PSEN2: variants seen among roughly 807,000 people sequenced by gnomAD.
PSEN2 encodes presenilin 2.
A neutral mutation model predicts 49.1 loss-of-function variants in PSEN2; 32 were observed. The ratio of observed to expected loss-of-function variants is 0.65; its 90% CI spans 0.49 to 0.88. The LOEUF is 0.88. Among genes scored for constraint, PSEN2 ranks in the 40% least tolerant of loss-of-function variants. The pLI, the probability that PSEN2 is intolerant of heterozygous loss-of-function variation, is 0.00. For missense variants in PSEN2, 522 were observed against 586.9 expected (o/e 0.89, Z 1.14); for synonymous variants, 255 against 244.0 (o/e 1.05, Z -0.42).
chr1:226,872,759 G>C (rs1407158993), intron 2 of PSEN2, among the ~76,000 whole-genome samples: 2 of 152,210 alleles, frequency 1.3e-5, no homozygotes, highest in Non-Finnish European at 2.9e-5. Context: ...ATTCCCACCT[G>C]TTCTATTCCC....
At chr1:226,880,430 G>A (rs939358354) in intron 3 of PSEN2, 9 of 1,219,072 alleles carry the variant, frequency 7.4e-6, no homozygotes, top group African/African-American at 4.6e-5. Context: ...ACTTGGAGAC[G>A]AACTTTCAGC....
intron 8 of PSEN2, among the ~76,000 whole-genome samples, chr1:226,889,715 T>C (rs1028324864): frequency 9.9e-5 from 15 of 152,260 alleles, no homozygotes; most frequent in African/African-American, 3.4e-4. Context: ...CTATTTGATA[T>C]TAGCATGATT....
intron 7 of PSEN2, among the ~76,000 whole-genome samples, chr1:226,888,610 C>T (rs1661528797): frequency 6.6e-6 from 1 of 152,214 alleles, no homozygotes. Flanking sequence ...TCCATGTGCA[C>T]AGGGTCTTCC....
chr1:226,878,196 C>T (rs1660756175), intron 3 of PSEN2, among the ~76,000 whole-genome samples: 2 of 152,064 alleles, frequency 1.3e-5, no homozygotes, highest in Admixed American at 1.3e-4. Flanking sequence ...TATCTTGCTA[C>T]AGCCTTCTGA....
At chr1:226,894,737 G>A (rs12070751) in intron 12 of PSEN2, among the ~76,000 whole-genome samples, 4,679 of 152,290 alleles carry the variant, frequency 0.031, 210 homozygotes, top group East Asian at 0.16. Flanking sequence ...TGAGCCGTGC[G>A]CTTGGCATCT....
chr1:226,886,590 T>G (rs1465627477), intron 6 of PSEN2, among the ~76,000 whole-genome samples: 1 of 152,386 alleles, frequency 6.6e-6, no homozygotes, highest in South Asian at 2.1e-4. Flanking sequence ...GGGCATTACC[T>G]ATTTTAAAAC....
chr1:226,880,616 G>GCGATCACTCAGCCTCTGGACAA (rs1558142095), intron 3 of PSEN2: 1 of 1,607,296 alleles, frequency 6.2e-7, no homozygotes, highest in Non-Finnish European at 8.5e-7. Flanking sequence ...CCTCTGGACA[G>GCGATCACTCAGCCTCTGGACAA]CGATAACTCA....
rs762485322 is a variant in PSEN2 at position 226,888,120 on chromosome 1, A to G, written c.528A>G (p.Ser176=). 6 of 1,613,824 alleles carry G rather than the reference A, an allele frequency of 3.7e-6. No homozygotes were observed. The African/African-American group carries it at 6.7e-5, about 18-fold the overall frequency. ...KFIHGWLIMS[S]LMLLFLFTYI... is the part of the protein sequence containing the mutation. ...TCCATGGCTGGTTGATCATGTCTTC[A>G]CTGATGCTGCTGTTCCTCTTCACCT... The change falls in exon 7 of 13, where the codon TCA becomes TCG. Residue 176 remains serine (S), a synonymous_variant. Coordinates refer to ENST00000366783, the MANE Select transcript of PSEN2 (RefSeq NM_000447.3).
In PSEN2 at chr1:226,870,625, C is replaced by T. The variant is rs1660203932; in HGVS notation, c.-374C>T. 6.6e-6 allele frequency: 1 copy of T among 152,112 alleles called. No individual in the cohort carries two copies. The highest frequency in any genetic ancestry group is 6.6e-5 in the Admixed American group (1 of 15,224). 9.4% of individuals were successfully genotyped at this position (152,112 alleles called of 1,614,324 possible). ...GGGCGCTCAGCCAGCTGCGTAAACT[C>T]CGCTGGAGCGCGGCGGCAGAGCAGG... On this transcript the variant is annotated 5_prime_UTR_variant, in exon 1 of 13. Transcript: ENST00000366783.
intron 3 of PSEN2, among the ~76,000 whole-genome samples, chr1:226,879,095 C>T (rs556455134): frequency 1.3e-5 from 2 of 152,264 alleles, no homozygotes; most frequent in African/African-American, 4.8e-5. Flanking sequence ...TGGTCTTGAA[C>T]TCCTGGGCTC....
intron 9 of PSEN2, 69 bp from the exon 10 acceptor site, chr1:226,891,209 C>T (rs1661716730): frequency 7.1e-7 from 1 of 1,416,160 alleles, no homozygotes; most frequent in Non-Finnish European, 9.9e-7. Flanking sequence ...AGACTGGCCA[C>T]CTCCCCCAGG....
At chr1:226,886,901 A>G (rs557331036) in intron 6 of PSEN2, among the ~76,000 whole-genome samples, 31 of 152,334 alleles carry the variant, frequency 2.0e-4, no homozygotes, top group African/African-American at 7.0e-4. Context: ...CAGGAGTTCA[A>G]GTCTAGCCTG....
intron 6 of PSEN2, 141 bp from the exon 7 acceptor site, chr1:226,887,950 G>A: frequency 4.0e-6 from 3 of 746,920 alleles, no homozygotes; most frequent in South Asian, 1.4e-5. Context: ...CTGTAAGGTG[G>A]CCACCTGATC....
At chr1:226,872,446 T>C (rs1660362308) in intron 2 of PSEN2, among the ~76,000 whole-genome samples, 1 of 152,258 alleles carries the variant, frequency 6.6e-6, no homozygotes, top group Non-Finnish European at 1.5e-5. Flanking sequence ...GCTTCAGTGC[T>C]TTAAGCACCA....
At chr1:226,901,517 T>C (rs1437575277), downstream of PSEN2, among the ~76,000 whole-genome samples, 3 of 149,974 alleles carry the variant, frequency 2.0e-5, no homozygotes, top group Non-Finnish European at 4.4e-5. Flanking sequence ...AGCCCAGGAG[T>C]TTAAGACCAA....
At chr1:226,883,599 A>T in intron 4 of PSEN2, 106 bp from the exon 5 acceptor site, 2 of 1,087,726 alleles carry the variant, frequency 1.8e-6, no homozygotes, top group Non-Finnish European at 2.8e-6. Flanking sequence ...TTATATCTGG[A>T]AAGCAACATT....
rs1186794424 is a variant in PSEN2, at chr1:226,895,634, T to C, written c.*55T>C. 6.4e-7 allele frequency: 1 copy of C among 1,555,758 alleles called. No individual in the cohort carries two copies. Among genetic ancestry groups the C allele is most frequent in the African/African-American group, 1.4e-5 (1 of 73,472 alleles). ...GCAGGGAATTTTCATTGGATGCAGT[T>C]GTATAGTTTTACACTCTAGTGCCAT... is the stretch of plus-strand genomic sequence containing the variant. On this transcript the variant is annotated 3_prime_UTR_variant, in exon 13 of 13. Coordinates refer to ENST00000366783, the MANE Select transcript of PSEN2 (RefSeq NM_000447.3).
intron 3 of PSEN2, among the ~76,000 whole-genome samples, chr1:226,877,817 G>A (rs1364027996): frequency 1.3e-5 from 2 of 152,186 alleles, no homozygotes; most frequent in African/African-American, 4.8e-5. Flanking sequence ...AGCATGTTTT[G>A]TAGTTTTTCC....
chr1:226,896,284 C>T (rs538637821), downstream of PSEN2, among the ~76,000 whole-genome samples: 21 of 152,336 alleles, frequency 1.4e-4, no homozygotes, highest in Non-Finnish European at 2.6e-4. Context: ...GTTAGGAGAG[C>T]AGGGTGGCCT....
Sources: allele counts gnomAD v4.1 joint callset (sites outside exome capture counted in the v4.1 genomes callset), GRCh38; gene constraint gnomAD v4.1.1; transcripts MANE v1.5; gene names NCBI Gene and HGNC (gene_info 2026-07-23, HGNC 2026-07-21).